Variants in DNA2 observed in about 807,000 individuals in gnomAD.
DNA2 encodes DNA replication helicase/nuclease 2, also known as DNA replication ATP-dependent helicase/nuclease DNA2.
Under a neutral mutation model 119.1 loss-of-function variants are expected in DNA2, and 101 were observed. The ratio of observed to expected loss-of-function variants is 0.85; its 90% confidence interval spans 0.72 to 1.00. The LOEUF (loss-of-function observed/expected upper bound fraction) is 1.00, where lower values mean the gene tolerates loss of function less well. DNA2 is among the 50% of genes least tolerant of loss of function. The pLI is 0.00. For missense variants in DNA2, 1,121 were observed against 1,255.5 expected (o/e 0.89, Z 1.62); for synonymous variants, 366 against 424.4 (o/e 0.86, Z 1.69).
intron 10 of DNA2, among the ~76,000 whole-genome samples, chr10:68,432,829 C>T (rs2051840334): frequency 6.6e-6 from 1 of 152,194 alleles, no homozygotes; most frequent in Non-Finnish European, 1.5e-5. Context: ...CATGGCTCTT[C>T]CTTCCTCTAA....
chr10:68,467,255 C>T (rs1399891043), intron 3 of DNA2, among the ~76,000 whole-genome samples: 6 of 151,778 alleles, frequency 4.0e-5, no homozygotes, highest in East Asian at 1.9e-4. Flanking sequence ...GGATTACAGG[C>T]GCGCACCACA....
intron 5 of DNA2, among the ~76,000 whole-genome samples, chr10:68,453,491 A>G (rs1020603030): frequency 6.6e-5 from 10 of 152,186 alleles, no homozygotes; most frequent in African/African-American, 2.4e-4. Context: ...TATTTCAGTA[A>G]AAGTTCTGTG....
At chr10:68,464,453 T>C (rs529503395) in intron 4 of DNA2, among the ~76,000 whole-genome samples, 93 of 151,294 alleles carry the variant, frequency 6.1e-4, no homozygotes, top group African/African-American at 2.1e-3. Flanking sequence ...AGGTAGAGGC[T>C]GCAATGAGCC....
intron 5 of DNA2, among the ~76,000 whole-genome samples, chr10:68,457,888 T>C (rs1281842895): frequency 6.6e-6 from 1 of 151,962 alleles, no homozygotes; most frequent in East Asian, 1.9e-4. Flanking sequence ...AAGAATCAAA[T>C]GAGGCCAGGT....
In DNA2 at chr10:68,468,777, G is replaced by A. The variant is rs1382009892; in HGVS notation, c.258-471C>T. 7.2e-5 allele frequency among the ~76,000 whole-genome samples: 11 copies of A among 152,192 alleles called. No homozygotes were observed. In the South Asian group the frequency reaches 1.2e-3, roughly 17 times the overall value. On this transcript the variant is annotated intron_variant, in intron 2 of 20. Transcript: ENST00000358410. ...TGAACTAGTTGAAACTAGGCCAGGC[G>A]CGGTGGCTCATGCCTATAATCCCAG...
chr10:68,433,433 C>T (rs1485914256), intron 10 of DNA2, among the ~76,000 whole-genome samples: 1 of 152,200 alleles, frequency 6.6e-6, no homozygotes, highest in Admixed American at 6.6e-5. Flanking sequence ...CAATTCTCTA[C>T]AATGTAGCCA....
chr10:68,456,738 C>T (rs1236215982), intron 5 of DNA2, among the ~76,000 whole-genome samples: 1 of 149,532 alleles, frequency 6.7e-6, no homozygotes, highest in African/African-American at 2.5e-5. Context: ...TTTTAGATCA[C>T]AAAATGTTAT....
chr10:68,417,811 C>G (rs2051611603), intron 19 of DNA2, among the ~76,000 whole-genome samples: 1 of 152,080 alleles, frequency 6.6e-6, no homozygotes, highest in Non-Finnish European at 1.5e-5. Context: ...TATATAGAGA[C>G]AATGGAATAT....
At chr10:68,472,133 G>C (rs753875087), upstream of DNA2, 7 of 1,426,946 alleles carry the variant, frequency 4.9e-6, no homozygotes, top group Non-Finnish European at 4.6e-6. Context: ...ATCTGAAGCA[G>C]ACTAAACGCT....
chr10:68,425,248 C>G (rs1173870531), intron 14 of DNA2, among the ~76,000 whole-genome samples: 2 of 151,504 alleles, frequency 1.3e-5, no homozygotes, highest in Non-Finnish European at 2.9e-5. Context: ...GTGCCTGACA[C>G]CATGCCCAGC....
In DNA2 at chr10:68,419,828, A is replaced by G. The variant is rs1330917174; in HGVS notation, c.2762T>C (p.Val921Ala). 6.2e-7 allele frequency: 1 copy of G among 1,613,714 alleles called. No individual in the cohort carries two copies. The highest frequency in any genetic ancestry group is 1.3e-5 in the African/African-American group (1 of 74,930). ...VSNVTEAKLI[V>A]FLTSIFVKAG... Reference sequence around the variant, plus strand: ...CTTAACAAAAATGGAGGTTAGGAAAACTATGAGTTTGGCTTCTGTTACATT... The same window carrying G: ...CTTAACAAAAATGGAGGTTAGGAAAGCTATGAGTTTGGCTTCTGTTACATT... Residue 921 changes from valine (V) to alanine (A), a missense_variant, in exon 18 of 21, where the codon GTT becomes GCT. Val to Ala is a moderately conservative substitution (Grantham distance 64, BLOSUM62 0). Transcript: ENST00000358410.
At chr10:68,452,748 T>A (rs1590068485) in intron 5 of DNA2, among the ~76,000 whole-genome samples, 1 of 139,216 alleles carries the variant, frequency 7.2e-6, no homozygotes, top group African/African-American at 3.0e-5. Context: ...TTTTTTTTTT[T>A]TTTTTTTTTT....
intron 6 of DNA2, among the ~76,000 whole-genome samples, chr10:68,448,968 CGT>C (rs59756256): frequency 6.4e-5 from 7 of 109,600 alleles, no homozygotes; most frequent in Non-Finnish European, 9.1e-5. Context: ...TGTGTGTGTG[CGT>C]GTGTGTGTGT....
At chr10:68,439,062 A>G (rs2051930815) in intron 9 of DNA2, among the ~76,000 whole-genome samples, 1 of 151,288 alleles carries the variant, frequency 6.6e-6, no homozygotes, top group African/African-American at 2.4e-5. Flanking sequence ...CATTCTGGAA[A>G]GAAAAAAATG....
intron 19 of DNA2, among the ~76,000 whole-genome samples, chr10:68,417,471 C>T (rs926243777): frequency 4.0e-5 from 6 of 149,142 alleles, no homozygotes; most frequent in African/African-American, 1.2e-4. Context: ...CCCATAAGCC[C>T]GGGCAACATG....
intron 5 of DNA2, among the ~76,000 whole-genome samples, chr10:68,451,996 A>C (rs544315840): frequency 7.9e-5 from 12 of 152,326 alleles, no homozygotes; most frequent in African/African-American, 2.9e-4. Context: ...CTTCAAATAT[A>C]ATCTCATGGA....
chr10:68,471,871 C>T lies in DNA2; in HGVS notation c.-7G>A, dbSNP rs769778250. On this transcript the variant is annotated 5_prime_UTR_variant, in exon 1 of 21. Transcript: ENST00000358410. ...GTTCGTTCAGCTGCTCCATCCTGGA[C>T]GCGGGGATCGCAAACTGTAGACAGA... 6.2e-7 allele frequency: 1 copy of T among 1,613,980 alleles called. No homozygotes were observed. Among genetic ancestry groups the T allele is most frequent in the Admixed American group, 1.7e-5 (1 of 60,026 alleles).
intron 10 of DNA2, among the ~76,000 whole-genome samples, chr10:68,435,350 T>G (rs4746768): frequency 0.29 from 44,551 of 151,860 alleles, 7,682 homozygotes; most frequent in African/African-American, 0.46. Context: ...TGCCTGCCCA[T>G]ATTTTCCTAT....
intron 5 of DNA2, among the ~76,000 whole-genome samples, chr10:68,458,849 C>CA (rs1287979652): frequency 1.4e-5 from 2 of 145,690 alleles, no homozygotes; most frequent in East Asian, 2.0e-4. Context: ...AACTCCATCT[C>CA]AAAAAAAAAG....
Sources: gnomAD v4.1 joint callset for allele counts (sites outside exome capture counted in the v4.1 genomes callset) on GRCh38, gnomAD v4.1.1 for gene constraint, MANE v1.5 for transcripts, NCBI Gene and HGNC (gene_info 2026-07-23, HGNC 2026-07-21) for gene names.